Variants in CACNA1A observed in about 807,000 individuals in gnomAD.
CACNA1A encodes voltage-dependent P/Q-type calcium channel subunit alpha-1A.
CACNA1A carries 57 observed loss-of-function variants against 262.4 expected under a neutral mutation model. The observed-to-expected ratio is 0.22, with a 90% CI of 0.18 to 0.27. The LOEUF (loss-of-function observed/expected upper bound fraction) is 0.27. CACNA1A is among the 10% of genes least tolerant of loss of function. The pLI, the probability that CACNA1A is intolerant of heterozygous loss-of-function variation, is 1.00. For missense variants in CACNA1A, 2,526 were observed against 3,562.8 expected (o/e 0.71, Z 7.41); for synonymous variants, 1,431 against 1,419.3 (o/e 1.01, Z -0.18).
At chr19:13,418,424 A>T (rs1035135296) in intron 3 of CACNA1A, among the ~76,000 whole-genome samples, 14 of 152,158 alleles carry the variant, frequency 9.2e-5, no homozygotes, top group African/African-American at 3.4e-4. Flanking sequence ...AGTTATGTTG[A>T]TGTCCTAATC....
At chr19:13,474,353 G>A (rs1388732655) in intron 1 of CACNA1A, among the ~76,000 whole-genome samples, 1 of 152,192 alleles carries the variant, frequency 6.6e-6, no homozygotes, top group Non-Finnish European at 1.5e-5. Flanking sequence ...AGAGCTATTT[G>A]TTAATTTGCG....
At chr19:13,373,714 C>T (rs932018598) in intron 3 of CACNA1A, among the ~76,000 whole-genome samples, 3 of 152,234 alleles carry the variant, frequency 2.0e-5, no homozygotes, top group Admixed American at 6.5e-5. Context: ...CCTAAACTAA[C>T]ACAAAGCAAG....
Position 13,285,069 on chromosome 19 carries a change from G to T in CACNA1A, c.3691C>A (p.Pro1231Thr). ...GCCCTTGCTGGGGGCCATACTCACG[G>T]GTTGGTCGTGGACAGGATGAACATG... is the stretch of plus-strand genomic sequence containing the variant. ...SSMFILSTTN[P>T]LRRLCHYILN... The change falls in exon 21 of 47, where the codon CCC becomes ACC. Residue 1231 changes from proline (P) to threonine (T), a missense_variant and splice_region_variant. Transcript: ENST00000360228. 1 of 1,613,962 alleles carries T rather than the reference G, an allele frequency of 6.2e-7. No homozygotes were observed. Among genetic ancestry groups the T allele is most frequent in the Non-Finnish European group, 8.5e-7 (1 of 1,179,874 alleles).
intron 3 of CACNA1A, among the ~76,000 whole-genome samples, chr19:13,412,676 C>T (rs2060132210): frequency 6.6e-6 from 1 of 151,462 alleles, no homozygotes; most frequent in South Asian, 2.1e-4. Context: ...GGGGTTTCAC[C>T]ATGTTGCCCA....
Position 13,207,173 on chromosome 19 carries a change from C to T in CACNA1A, c.*140G>A, listed in dbSNP as rs1393907378. ...GGACACCCTTGTGGCCCAGCCCTGGCCTCTCCAGAGTCTGGGGTCTCCCGG... is the reference window on the plus strand; with the variant it reads ...GGACACCCTTGTGGCCCAGCCCTGGTCTCTCCAGAGTCTGGGGTCTCCCGG... On this transcript the variant is annotated 3_prime_UTR_variant, in exon 47 of 47. Transcript: ENST00000360228. The surrounding 1 kb of genome is among the most constrained non-coding windows in gnomAD (Gnocchi z 5.7). 9.5e-6 allele frequency: 9 copies of T among 951,038 alleles called. No individual in the cohort carries two copies. The highest frequency in any genetic ancestry group is 3.7e-5 in the Admixed American group (1 of 26,860). The allele number at this position is 951,038 out of a possible 1,614,324, so 58.9% of individuals were successfully genotyped here.
rs1172489048 is a variant in CACNA1A at position 13,506,189 on chromosome 19, G to A, written c.36C>T (p.Tyr12=). ...ARFGDEMPAR[Y]GGGGSGAAAG... The stretch of plus-strand genomic sequence containing the variant: ...CGGCTGCCCCGGAGCCTCCTCCCCC[G>A]TAGCGGGCCGGCATCTCGTCTCCGA... Residue 12 remains tyrosine (Y), a synonymous_variant, in exon 1 of 47, where the codon TAC becomes TAT. Transcript: ENST00000360228. 1.3e-6 allele frequency: 2 copies of A among 1,504,118 alleles called. No individual in the cohort carries two copies. The highest frequency in any genetic ancestry group is 1.8e-6 in the Non-Finnish European group (2 of 1,130,962). The allele number at this position is 1,504,118 out of a possible 1,614,324, so 93.2% of individuals were successfully genotyped here. A position where few individuals can be genotyped will look rare whatever the true frequency, so the allele number is the denominator to read the frequency against.
chr19:13,358,434 G>C (rs575878410), intron 6 of CACNA1A, among the ~76,000 whole-genome samples: 2 of 152,200 alleles, frequency 1.3e-5, no homozygotes, highest in Non-Finnish European at 2.9e-5. Context: ...GTGTGCACCC[G>C]TGAAGAGACT....
chr19:13,308,737 C>A lies in CACNA1A; in HGVS notation c.1669-209G>T. 1 of 486,624 alleles carries A rather than the reference C, an allele frequency of 2.1e-6. No homozygotes were observed. The highest frequency in any genetic ancestry group is 3.7e-6 in the Non-Finnish European group (1 of 273,186). The allele number at this position is 486,624 out of a possible 1,614,324, so 30.1% of individuals were successfully genotyped here. On this transcript the variant is annotated intron_variant, in intron 12 of 46. Coordinates refer to ENST00000360228, the MANE Select transcript of CACNA1A (RefSeq NM_001127222.2). The surrounding 1 kb of genome is among the most constrained non-coding windows in gnomAD (Gnocchi z 4.2). ...TGTCACCCAGGCTGGAGTGCAGTGGCGCAATCATAGCTCACTGCAGCACTG... is the reference window on the plus strand; with the variant it reads ...TGTCACCCAGGCTGGAGTGCAGTGGAGCAATCATAGCTCACTGCAGCACTG...
intron 12 of CACNA1A, among the ~76,000 whole-genome samples, chr19:13,312,457 G>T (rs1417678753): frequency 1.2e-4 from 18 of 152,186 alleles, no homozygotes; most frequent in Admixed American, 1.2e-3. Flanking sequence ...TCCAAAGGGG[G>T]TCTATACGTT....
chr19:13,493,125 C>T (rs1226167857), intron 1 of CACNA1A, among the ~76,000 whole-genome samples: 1 of 152,178 alleles, frequency 6.6e-6, no homozygotes, highest in African/African-American at 2.4e-5. Flanking sequence ...TCTATATTTA[C>T]ATCAACGAAT....
chr19:13,217,951 TAAAA>T (rs1491498531), intron 38 of CACNA1A, among the ~76,000 whole-genome samples: 1 of 97,868 alleles, frequency 1.0e-5, no homozygotes, highest in Non-Finnish European at 2.0e-5. Context: ...TTTTTTTTTT[TAAAA>T]AAAAGAGATA....
chr19:13,212,539 G>A lies in CACNA1A; in HGVS notation c.6051-17C>T, dbSNP rs765454879. The A allele has an allele frequency of 1.3e-6, 2 of 1,553,876 alleles. No homozygotes were observed. Among genetic ancestry groups the A allele is most frequent in the African/African-American group, 1.4e-5 (1 of 73,688 alleles). On this transcript the variant is annotated splice_polypyrimidine_tract_variant and intron_variant, in intron 41 of 46. Transcript: ENST00000360228. The surrounding 1 kb of genome is among the most constrained non-coding windows in gnomAD (Gnocchi z 5.6). ...TGAGCCATCCTGCATGGGGGACAGA[G>A]GCCGGGGTAGCAGTGGGCGCTTGGG... is the stretch of plus-strand genomic sequence containing the variant.
intron 19 of CACNA1A, among the ~76,000 whole-genome samples, chr19:13,298,274 G>A (rs1445302248): frequency 4.6e-5 from 7 of 151,638 alleles, no homozygotes; most frequent in African/African-American, 1.7e-4. Context: ...GGGGCTACAG[G>A]CGCCTGCCAC....
In CACNA1A at chr19:13,298,607, G is replaced by A. The variant is rs1480140651; in HGVS notation, c.3026C>T (p.Ala1009Val). 5 of 1,537,794 alleles carry A rather than the reference G, an allele frequency of 3.3e-6. No homozygotes were observed. The South Asian group carries it at 6.0e-5, about 18-fold the overall frequency. Residue 1009 changes from alanine to valine, a missense_variant, in exon 19 of 47, where the codon GCT (alanine) becomes GTT (valine). Coordinates refer to ENST00000360228, the MANE Select transcript of CACNA1A (RefSeq NM_001127222.2). ...CGCGTCCCCCTCGTACGTGGCTGGAGCGCCATGCCGGTGCCTTCTCCTGCG... is the reference window on the plus strand; with the variant it reads ...CGCGTCCCCCTCGTACGTGGCTGGAACGCCATGCCGGTGCCTTCTCCTGCG... ...GERRRRHRHG[A>V]PATYEGDARR...
At chr19:13,302,374 C>G (rs2057804225) in intron 17 of CACNA1A, among the ~76,000 whole-genome samples, 1 of 152,110 alleles carries the variant, frequency 6.6e-6, no homozygotes, top group Non-Finnish European at 1.5e-5. Context: ...CTGCTTAATC[C>G]CTAAGTCCTA....
intron 3 of CACNA1A, among the ~76,000 whole-genome samples, chr19:13,448,054 C>A (rs2060847841): frequency 1.3e-5 from 2 of 149,720 alleles, no homozygotes; most frequent in Admixed American, 1.3e-4. Flanking sequence ...ATGAGCTTCC[C>A]TAAGTGTTCC....
At chr19:13,321,160 A>C (rs918085945) in intron 10 of CACNA1A, among the ~76,000 whole-genome samples, 10 of 151,730 alleles carry the variant, frequency 6.6e-5, no homozygotes, top group African/African-American at 2.2e-4. Flanking sequence ...CAGCCTCCCA[A>C]GTAGCTGGAA....
intron 6 of CACNA1A, among the ~76,000 whole-genome samples, chr19:13,348,734 G>T (rs982004003): frequency 6.6e-6 from 1 of 152,294 alleles, no homozygotes; most frequent in African/African-American, 2.4e-5. Flanking sequence ...TACTCAGGAG[G>T]CTGAGGCAGG....
chr19:13,417,889 CA>C (rs113789898), intron 3 of CACNA1A, among the ~76,000 whole-genome samples: 24,827 of 83,258 alleles, frequency 0.3, 2,271 homozygotes, highest in Middle Eastern at 0.42. Flanking sequence ...GACTCCATCT[CA>C]AAAAAAAAAA....
Sources: allele counts gnomAD v4.1 joint callset (sites outside exome capture counted in the v4.1 genomes callset), GRCh38; gene constraint gnomAD v4.1.1; non-coding constraint Gnocchi (gnomAD v3.1); transcripts MANE v1.5; gene names NCBI Gene and HGNC (gene_info 2026-07-23, HGNC 2026-07-21).